Variants in LSAMP observed in about 807,000 individuals in gnomAD.
The protein encoded by LSAMP is limbic system-associated membrane protein.
In LSAMP, 7 loss-of-function variants were observed where a neutral mutation model predicts 38.6. The ratio of observed to expected loss-of-function variants is 0.18; its 90% CI spans 0.10 to 0.34. The LOEUF (loss-of-function observed/expected upper bound fraction) is 0.34, where lower values mean the gene tolerates loss of function less well. LSAMP is among the 10% of genes least tolerant of loss of function. The probability of loss-of-function intolerance (pLI) is 1.00; values close to 1 mark genes in which losing one functional copy is unlikely to be tolerated. For synonymous variants in LSAMP, 154 were observed against 166.8 expected (o/e 0.92, Z 0.59); for missense variants, 313 against 420.0 (o/e 0.75, Z 2.23).
At chr3:116,253,839 C>A (rs2046717161) in intron 1 of LSAMP, among the ~76,000 whole-genome samples, 1 of 152,156 alleles carries the variant, frequency 6.6e-6, no homozygotes, top group African/African-American at 2.4e-5. Flanking sequence ...AGGATGATAG[C>A]TCTCTTTATT....
At chr3:116,292,466 CAG>C (rs1192951738) in intron 1 of LSAMP, among the ~76,000 whole-genome samples, 8 of 152,094 alleles carry the variant, frequency 5.3e-5, no homozygotes, top group African/African-American at 1.9e-4. Flanking sequence ...CACTAGGAAA[CAG>C]AAAATCAGGT....
At chr3:115,907,692 A>G (rs1009137961) in intron 3 of LSAMP, among the ~76,000 whole-genome samples, 3 of 152,204 alleles carry the variant, frequency 2.0e-5, no homozygotes, top group African/African-American at 7.2e-5. Flanking sequence ...TAGTTCTCAA[A>G]TAATTGAGAA....
chr3:115,851,354 G>C (rs1050391509), intron 4 of LSAMP, among the ~76,000 whole-genome samples: 4 of 152,254 alleles, frequency 2.6e-5, no homozygotes, highest in Non-Finnish European at 5.9e-5. Flanking sequence ...GAGAGTGTGG[G>C]CTTTAGAATC....
At chr3:115,821,103 G>A (rs550602297) in intron 6 of LSAMP, among the ~76,000 whole-genome samples, 60 of 152,192 alleles carry the variant, frequency 3.9e-4, no homozygotes, top group Non-Finnish European at 8.1e-4. Flanking sequence ...ACTACGTGAT[G>A]TGATTTTTTT....
chr3:116,070,314 G>A (rs989644533), intron 2 of LSAMP, among the ~76,000 whole-genome samples: 4 of 152,108 alleles, frequency 2.6e-5, no homozygotes, highest in African/African-American at 9.7e-5. Context: ...GGACTTTATA[G>A]GGTACACAGC....
intron 1 of LSAMP, among the ~76,000 whole-genome samples, chr3:116,435,890 C>A (rs542351470): frequency 6.6e-6 from 1 of 152,028 alleles, no homozygotes; most frequent in Non-Finnish European, 1.5e-5. Flanking sequence ...AATAAGAAGG[C>A]AGCAGGTTTA....
intron 3 of LSAMP, among the ~76,000 whole-genome samples, chr3:115,922,188 CCTT>C (rs1251572304): frequency 4.6e-5 from 7 of 152,262 alleles, no homozygotes; most frequent in African/African-American, 1.7e-4. Flanking sequence ...CTTCTCTCCT[CCTT>C]CTGGAATTTC....
intron 1 of LSAMP, among the ~76,000 whole-genome samples, chr3:116,406,502 T>C (rs2048899789): frequency 6.6e-6 from 1 of 152,104 alleles, no homozygotes; most frequent in Admixed American, 6.6e-5. Flanking sequence ...TTTTTTACTC[T>C]GCTGTCTTAC....
chr3:116,414,841 T>A (rs891564889), intron 1 of LSAMP, among the ~76,000 whole-genome samples: 1 of 152,158 alleles, frequency 6.6e-6, no homozygotes, highest in Admixed American at 6.5e-5. Context: ...GCCCATTTTT[T>A]ACCCTCTGCT....
intron 2 of LSAMP, among the ~76,000 whole-genome samples, 172 bp downstream of exon 2, chr3:116,086,152 G>A (rs145198890): frequency 1.2e-4 from 19 of 152,254 alleles, no homozygotes; most frequent in African/African-American, 4.6e-4. Flanking sequence ...TCTCTATATT[G>A]TTTTGGGTCC....
At chr3:115,836,053 T>C (rs982310923) in intron 6 of LSAMP, among the ~76,000 whole-genome samples, 9 of 152,226 alleles carry the variant, frequency 5.9e-5, no homozygotes, top group African/African-American at 2.2e-4. Flanking sequence ...ACTGTTTAAA[T>C]GACTCAGCTT....
At chr3:115,902,516 T>G (rs1936902066) in intron 3 of LSAMP, among the ~76,000 whole-genome samples, 1 of 142,894 alleles carries the variant, frequency 7.0e-6, no homozygotes, top group South Asian at 2.2e-4. Context: ...TTAAAGAGCT[T>G]CTGCACAGCA....
At chr3:116,071,878 C>T (rs1707613807) in intron 2 of LSAMP, among the ~76,000 whole-genome samples, 1 of 151,808 alleles carries the variant, frequency 6.6e-6, no homozygotes, top group Non-Finnish European at 1.5e-5. Flanking sequence ...CATTAGTTTG[C>T]TGAGGATAAC....
chr3:116,257,560 AAAATT>A (rs1472196977), intron 1 of LSAMP, among the ~76,000 whole-genome samples: 1 of 151,188 alleles, frequency 6.6e-6, no homozygotes, highest in Non-Finnish European at 1.5e-5. Context: ...TTTCTGACAT[AAAATT>A]AAAGATTTTT....
chr3:115,842,787 A>G lies in LSAMP; in HGVS notation c.650-209T>C, dbSNP rs559908650. ...TAAGAGATAATTAATGAAAACATAG[A>G]CTTGGTTTACTTAAATGAGACACTT... On this transcript the variant is annotated intron_variant, in intron 4 of 6. Coordinates refer to ENST00000490035, the MANE Select transcript of LSAMP (RefSeq NM_002338.5). Among the ~76,000 whole-genome samples, 62 of 152,276 alleles carry G rather than the reference A, an allele frequency of 4.1e-4. 1 individual carries two copies. Among genetic ancestry groups the G allele is most frequent in the African/African-American group, 1.4e-3 (58 of 41,550 alleles).
intron 1 of LSAMP, 24 bp downstream of exon 1, chr3:116,444,853 A>G: frequency 6.2e-7 from 1 of 1,613,800 alleles, no homozygotes; most frequent in African/African-American, 1.3e-5. Flanking sequence ...CGCGCGCAGC[A>G]GAAAAGTTGC....
intron 3 of LSAMP, among the ~76,000 whole-genome samples, chr3:115,919,609 G>GTTAT (rs1266887820): frequency 2.0e-5 from 3 of 151,992 alleles, no homozygotes; most frequent in South Asian, 2.1e-4. Flanking sequence ...GACAAAACAG[G>GTTAT]TTATTTATTT....
intron 3 of LSAMP, among the ~76,000 whole-genome samples, chr3:115,877,876 A>G (rs1035898646): frequency 6.6e-6 from 1 of 152,124 alleles, no homozygotes; most frequent in Non-Finnish European, 1.5e-5. Context: ...TGTGGTTCCC[A>G]TCCTTAGGTA....
intron 1 of LSAMP, among the ~76,000 whole-genome samples, chr3:116,177,706 G>A (rs980555182): frequency 1.3e-5 from 2 of 152,120 alleles, no homozygotes; most frequent in Non-Finnish European, 2.9e-5. Flanking sequence ...AGGGGAGCTG[G>A]TATTTTTATC....
Sources: allele counts gnomAD v4.1 joint callset (sites outside exome capture counted in the v4.1 genomes callset), GRCh38; gene constraint gnomAD v4.1.1; transcripts MANE v1.5; gene names NCBI Gene and HGNC (gene_info 2026-07-23, HGNC 2026-07-21).